The following STK25 variants were observed in gnomAD, a reference collection of about 807,000 sequenced individuals.
STK25 encodes the protein serine/threonine kinase 25.
A neutral mutation model predicts 53.8 loss-of-function variants in STK25; 29 were observed. The observed-to-expected ratio is 0.54, with a 90% CI of 0.40 to 0.74. STK25 has a LOEUF of 0.74. STK25 is among the 30% of genes least tolerant of loss of function. The probability of loss-of-function intolerance (pLI) is 0.00; values close to 1 mark genes in which losing one functional copy is unlikely to be tolerated. For missense variants in STK25, 420 were observed against 568.0 expected, an observed-to-expected ratio of 0.74 and a Z score of 2.65; for synonymous variants, 247 against 238.3, an observed-to-expected ratio of 1.04 and a Z score of -0.33.
chr2:241,500,367 TG>T, intron 4 of STK25, 86 bp from the exon 5 acceptor site: 4 of 935,778 alleles, frequency 4.3e-6, no homozygotes, highest in Non-Finnish European at 5.1e-6. Context: ...AGGGAAGGGC[TG>T]TCCCTGCAGA....
At position 241,508,575 on chromosome 2, in the gene STK25, C is replaced by T. The variant is rs1482035604; in HGVS notation, c.-233G>A. 2 of 990,708 alleles carry T rather than the reference C, an allele frequency of 2.0e-6. No homozygotes were observed. Among genetic ancestry groups the T allele is most frequent in the Non-Finnish European group, 1.2e-6 (1 of 833,134 alleles). The allele number at this position is 990,708 out of a possible 1,614,324, so 61.4% of individuals were successfully genotyped here. ...AAGCAACGGTGGTGGCGGCAGCGAC[C>T]GGAGAAAGCCCGGAGGCGACGGCGA... On this transcript the variant is annotated 5_prime_UTR_variant, in exon 1 of 12. Transcript: ENST00000316586.
Position 241,499,317 on chromosome 2 carries a change from G to A in STK25, c.525C>T (p.Phe175=), listed in dbSNP as rs777602273. ...LTDTQIKRNT[F]VGTPFWMAPE... Reference sequence around the variant, plus strand: ...GTGCCATCCAGAAGGGGGTGCCCACGAATGTGTTCCTCTTAATCTGCGTGT... The same window carrying A: ...GTGCCATCCAGAAGGGGGTGCCCACAAATGTGTTCCTCTTAATCTGCGTGT... Residue 175 remains phenylalanine (F), a synonymous_variant, in exon 6 of 12, where the codon TTC becomes TTT. Transcript: ENST00000316586. The A allele has an allele frequency of 1.3e-5, 21 of 1,613,890 alleles. No individual in the cohort carries two copies. Among genetic ancestry groups the A allele is most frequent in the South Asian group, 6.6e-5 (6 of 91,084 alleles).
intron 8 of STK25, 79 bp downstream of exon 8, chr2:241,498,560 C>CCG: frequency 6.6e-7 from 1 of 1,516,658 alleles, no homozygotes; most frequent in East Asian, 2.3e-5. Context: ...ACCCCCAGGG[C>CCG]CCACGCCCCT....
At chr2:241,508,253 C>A (rs1265023245) in intron 1 of STK25, 118 bp from the exon 2 acceptor site, 1 of 1,306,378 alleles carries the variant, frequency 7.7e-7, no homozygotes, top group Non-Finnish European at 9.7e-7. Flanking sequence ...GCCGGGGCCC[C>A]GCCACGCCCG....
chr2:241,508,146 C>T lies in STK25; in HGVS notation c.-100-11G>A. 6.8e-7 allele frequency: 1 copy of T among 1,478,708 alleles called. No homozygotes were observed. The highest frequency in any genetic ancestry group is 9.0e-7 in the Non-Finnish European group (1 of 1,117,118). 91.6% of individuals were successfully genotyped at this position (1,478,708 alleles called of 1,614,324 possible). On this transcript the variant is annotated splice_polypyrimidine_tract_variant and intron_variant, in intron 1 of 11. Transcript: ENST00000316586. Reference sequence around the variant, plus strand: ...TGCGGCGTCAGTCCACTGCGAGGGACACCAGGGGCGCTCGGTGCCCAGTTC... The same window carrying T: ...TGCGGCGTCAGTCCACTGCGAGGGATACCAGGGGCGCTCGGTGCCCAGTTC...
At chr2:241,502,831 C>T (rs9973927) in intron 2 of STK25, among the ~76,000 whole-genome samples, 30,456 of 152,126 alleles carry the variant, frequency 0.2, 3,272 homozygotes, top group Middle Eastern at 0.25. Flanking sequence ...CTGAAAGTCA[C>T]GTATTTAGAA....
rs1574951648 is a variant in STK25 at position 241,501,481 on chromosome 2, T to G, written c.258A>C (p.Leu86=). 6.2e-7 allele frequency: 1 copy of G among 1,613,740 alleles called. No individual in the cohort carries two copies. The highest frequency in any genetic ancestry group is 1.6e-4 in the Middle Eastern group (1 of 6,062). The change falls in exon 3 of 12, where the codon CTA becomes CTC. Residue 86 remains leucine, a synonymous_variant. Coordinates refer to ENST00000316586, the MANE Select transcript of STK25 (RefSeq NM_001271977.2). The surrounding 1 kb of genome is among the most constrained non-coding windows in gnomAD (Gnocchi z 5.3). ...CCCGCCTCCCCACAACAGGCACCTT[T>G]AGGTAGGAGCCAAAGTAGCGGGTGA... ...PYITRYFGSY[L]KSTKLWIIME... is the part of the protein sequence containing the mutation.
chr2:241,506,552 G>A (rs2065843095), intron 2 of STK25, among the ~76,000 whole-genome samples: 1 of 152,214 alleles, frequency 6.6e-6, no homozygotes, highest in Non-Finnish European at 1.5e-5. Context: ...CAGATCACCT[G>A]AGGTCAGGAG....
chr2:241,508,303 C>T, intron 1 of STK25, 140 bp downstream of exon 1: 2 of 1,252,586 alleles, frequency 1.6e-6, no homozygotes, highest in South Asian at 2.6e-5. Flanking sequence ...CCGCCCCTCC[C>T]GTCGCCGCCC....
At chr2:241,509,125 AC>A (rs1287332858), upstream of STK25, 4 of 152,378 alleles carry the variant, frequency 2.6e-5, no homozygotes, top group African/African-American at 9.6e-5. Context: ...GCCCGGGATC[AC>A]GCGCACAGGC....
Position 241,492,800 on chromosome 2 carries a change from C to A in STK25, c.*2862G>T. 1.6e-6 allele frequency: 1 copy of A among 625,094 alleles called. No homozygotes were observed. The highest frequency in any genetic ancestry group is 1.9e-5 in the South Asian group (1 of 52,566). The allele number at this position is 625,094 out of a possible 1,614,324, so 38.7% of individuals were successfully genotyped here. A position where few individuals can be genotyped will look rare whatever the true frequency, so the allele number is the denominator to read the frequency against. The stretch of plus-strand genomic sequence containing the variant: ...GTACTGATAAAGCTGCTGTTCATAG[C>A]AGTCCAGAGGTAAAACCAAGGCCTC... On this transcript the variant is annotated 3_prime_UTR_variant, in exon 12 of 12. Coordinates refer to ENST00000316586, the MANE Select transcript of STK25 (RefSeq NM_001271977.2).
At chr2:241,504,638 T>G (rs2065713588) in intron 2 of STK25, among the ~76,000 whole-genome samples, 1 of 152,168 alleles carries the variant, frequency 6.6e-6, no homozygotes, top group African/African-American at 2.4e-5. Flanking sequence ...ACCCAGAACA[T>G]GCAATCTTTT....
chr2:241,497,193 C>G (rs11686159), intron 10 of STK25: 31,832 of 166,558 alleles, frequency 0.19, 3,288 homozygotes, highest in Middle Eastern at 0.26. Context: ...TGGGCCCAAG[C>G]CCGCTGGCCA....
At position 241,503,644 on chromosome 2, in the gene STK25, C is replaced by T. The variant is rs1224025350; in HGVS notation, c.31-1936G>A. 2.1e-5 allele frequency among the ~76,000 whole-genome samples: 3 copies of T among 140,578 alleles called. 1 individual carries two copies. The highest frequency in any genetic ancestry group is 1.5e-5 in the Non-Finnish European group (1 of 66,386). The allele number at this position is 140,578 out of a possible 152,430, so 92.2% of individuals were successfully genotyped here. A position where few individuals can be genotyped will look rare whatever the true frequency, so the allele number is the denominator to read the frequency against. On this transcript the variant is annotated intron_variant, in intron 2 of 11. Coordinates refer to ENST00000316586, the MANE Select transcript of STK25 (RefSeq NM_001271977.2). ...AGGATAATATCATGAACCCAGGAGG[C>T]GGAGATCGTGCCACTGCACTCCAGC...
chr2:241,506,197 C>G (rs567727511), intron 2 of STK25, among the ~76,000 whole-genome samples: 9 of 152,344 alleles, frequency 5.9e-5, no homozygotes, highest in South Asian at 2.1e-4. Flanking sequence ...CCCCACAGGT[C>G]CACAGGACAC....
At chr2:241,508,407 A>C (rs1574974515) in intron 1 of STK25, 36 bp downstream of exon 1, 6 of 837,008 alleles carry the variant, frequency 7.2e-6, no homozygotes, top group East Asian at 1.1e-4. Context: ...CCCCCTCCCC[A>C]ATCGCCGCAA....
chr2:241,509,425 T>G (rs1185516902), upstream of STK25: 1 of 152,306 alleles, frequency 6.6e-6, no homozygotes, highest in African/African-American at 2.4e-5. Context: ...GCCCCCTGTG[T>G]GCATTCCCCT....
At chr2:241,499,921 C>A in intron 5 of STK25, 1 of 596,710 alleles carries the variant, frequency 1.7e-6, no homozygotes, top group Admixed American at 2.3e-5. Context: ...AGGGAACCAA[C>A]AACTCCAGCC....
intron 4 of STK25, 23 bp downstream of exon 4, chr2:241,500,717 C>G: frequency 1.2e-6 from 2 of 1,612,952 alleles, no homozygotes; most frequent in East Asian, 2.2e-5. Context: ...CATGACCCCC[C>G]ACTGCCATGG....
Sources: allele counts gnomAD v4.1 joint callset (sites outside exome capture counted in the v4.1 genomes callset), GRCh38; gene constraint gnomAD v4.1.1; non-coding constraint Gnocchi (gnomAD v3.1); transcripts MANE v1.5; gene names NCBI Gene and HGNC (gene_info 2026-07-23, HGNC 2026-07-21).